Variants in JOSD1 observed in about 807,000 individuals in gnomAD.
The protein encoded by JOSD1 is Josephin domain containing 1.
Under a neutral mutation model 24.3 loss-of-function variants are expected in JOSD1, and 11 were observed. The ratio of observed to expected loss-of-function variants is 0.45; its 90% CI spans 0.29 to 0.75. The LOEUF (loss-of-function observed/expected upper bound fraction) is 0.75. Among genes scored for constraint, JOSD1 ranks in the 30% least tolerant of loss-of-function variants. JOSD1 has a pLI of 0.11. For synonymous variants in JOSD1, 106 were observed against 93.8 expected, an observed-to-expected ratio of 1.13 and a Z score of -0.75; for missense variants, 184 against 253.5, an observed-to-expected ratio of 0.73 and a Z score of 1.86.
intron 2 of JOSD1, among the ~76,000 whole-genome samples, chr22:38,689,770 A>C (rs1287513546): frequency 1.3e-5 from 2 of 152,076 alleles, no homozygotes; most frequent in African/African-American, 4.8e-5. Context: ...TAAGGCCTGC[A>C]AACTTGGTAA....
At chr22:38,696,770 G>A (rs2145816633) in intron 2 of JOSD1, among the ~76,000 whole-genome samples, 3 of 152,284 alleles carry the variant, frequency 2.0e-5, no homozygotes, top group Middle Eastern at 6.8e-3. Flanking sequence ...TGAGTCATTA[G>A]CTCAGCTCTG....
At chr22:38,688,349 G>T (rs546270289) in intron 4 of JOSD1, among the ~76,000 whole-genome samples, 3 of 152,246 alleles carry the variant, frequency 2.0e-5, no homozygotes, top group African/African-American at 7.2e-5. Context: ...TGCAACCTCT[G>T]CCTCCCAGGT....
rs771478299 is a variant in JOSD1 at position 38,685,620 on chromosome 22, A to G, written c.*2282T>C. The G allele has an allele frequency of 4.6e-5, 7 of 152,568 alleles. No homozygotes were observed. Among genetic ancestry groups the G allele is most frequent in the Non-Finnish European group, 1.0e-4 (7 of 68,042 alleles). 9.5% of individuals were successfully genotyped at this position (152,568 alleles called of 1,614,324 possible). ...AATTCAGGCAGACAAGGAGACATAT[A>G]TGGAGTTTTCCATTTTTAATATTTG... is the stretch of plus-strand genomic sequence containing the variant. On this transcript the variant is annotated 3_prime_UTR_variant, in exon 5 of 5. Transcript: ENST00000683374.
chr22:38,698,624 G>C (rs887920865), intron 2 of JOSD1, among the ~76,000 whole-genome samples: 1 of 152,016 alleles, frequency 6.6e-6, no homozygotes, highest in Admixed American at 6.6e-5. Context: ...ACTTCTAGTC[G>C]GGGTCATCAG....
Position 38,700,855 on chromosome 22 carries a change from C to G in JOSD1, c.-687G>C. ...GACGCCCTCCCGCCGCGCCCCCGGC[C>G]GCAGACCCCAGGGCCGCCGGGACTG... On this transcript the variant is annotated 5_prime_UTR_variant, in exon 1 of 5. Coordinates refer to ENST00000683374, the MANE Select transcript of JOSD1 (RefSeq NM_001360236.2). 7.1e-6 allele frequency: 7 copies of G among 984,760 alleles called. No individual in the cohort carries two copies. Among genetic ancestry groups the G allele is most frequent in the Non-Finnish European group, 8.4e-6 (7 of 829,786 alleles). 61.0% of individuals were successfully genotyped at this position (984,760 alleles called of 1,614,324 possible).
At chr22:38,694,675 A>C (rs1344684973) in intron 2 of JOSD1, among the ~76,000 whole-genome samples, 2 of 151,994 alleles carry the variant, frequency 1.3e-5, no homozygotes. Context: ...ATCTTGGCTA[A>C]CACGGTGAAA....
At chr22:38,699,086 C>G (rs1277581279) in intron 2 of JOSD1, among the ~76,000 whole-genome samples, 1 of 152,176 alleles carries the variant, frequency 6.6e-6, no homozygotes, top group African/African-American at 2.4e-5. Flanking sequence ...GGCATTTGTT[C>G]TAAGTGGGTA....
rs753018637 is a variant in JOSD1, at chr22:38,700,437, G to C, written c.-450C>G. ...GAACCACGACGCCAATGACTCGGGA[G>C]ACAAGGCCTGGGTGACGGATAAATT... is the stretch of plus-strand genomic sequence containing the variant. On this transcript the variant is annotated 5_prime_UTR_variant, in exon 2 of 5. Transcript: ENST00000683374. 1 of 987,624 alleles carries C rather than the reference G, an allele frequency of 1.0e-6. No homozygotes were observed. 61.2% of individuals were successfully genotyped at this position (987,624 alleles called of 1,614,324 possible).
At chr22:38,691,033 G>T (rs1008713616) in intron 2 of JOSD1, among the ~76,000 whole-genome samples, 2 of 151,916 alleles carry the variant, frequency 1.3e-5, no homozygotes, top group African/African-American at 4.8e-5. Flanking sequence ...GTGAGACTCC[G>T]TCTCAAAAAA....
At chr22:38,691,161 T>TA (rs1386890290) in intron 2 of JOSD1, among the ~76,000 whole-genome samples, 1 of 152,086 alleles carries the variant, frequency 6.6e-6, no homozygotes. Flanking sequence ...GCCTGGGAGT[T>TA]AGAGACCAGC....
chr22:38,688,841 C>T, intron 4 of JOSD1, 94 bp downstream of exon 4: 1 of 1,182,764 alleles, frequency 8.5e-7, no homozygotes, highest in South Asian at 1.4e-5. Flanking sequence ...ACAGGAATTT[C>T]ATTTCCTTTG....
Position 38,699,873 on chromosome 22 carries a change from G to T in JOSD1, c.115C>A (p.His39Asn), listed in dbSNP as rs1278024922. 2 of 1,614,234 alleles carry T rather than the reference G, an allele frequency of 1.2e-6. No individual in the cohort carries two copies. The highest frequency in any genetic ancestry group is 1.7e-6 in the Non-Finnish European group (2 of 1,180,036). The change falls in exon 2 of 5, where the codon CAC becomes AAC. Residue 39 changes from histidine (H) to asparagine (N), a missense_variant. Transcript: ENST00000683374. Reference protein sequence around the residue: ...EKQRRELCALHALNNVFQDSN... With the variant: ...EKQRRELCALNALNNVFQDSN... ...TCCTGGAAGACGTTATTGAGGGCGT[G>T]GAGGGCACAAAGCTCCCTGCGCTGT...
intron 2 of JOSD1, 138 bp downstream of exon 2, chr22:38,699,665 T>C (rs948434415): frequency 3.5e-5 from 27 of 776,408 alleles, no homozygotes; most frequent in Middle Eastern, 3.7e-4. Context: ...TATCTTTTCA[T>C]GTCTTGTGTC....
At chr22:38,692,111 AATAACT>A (rs1454538510) in intron 2 of JOSD1, among the ~76,000 whole-genome samples, 1 of 152,224 alleles carries the variant, frequency 6.6e-6, no homozygotes, top group Non-Finnish European at 1.5e-5. Context: ...TACCTGTAAT[AATAACT>A]ATAACTTATT....
At chr22:38,692,084 G>A (rs895127426) in intron 2 of JOSD1, among the ~76,000 whole-genome samples, 2 of 152,212 alleles carry the variant, frequency 1.3e-5, no homozygotes, top group South Asian at 2.1e-4. Context: ...AAAGAAATCT[G>A]CAACCAAACT....
chr22:38,690,605 G>A (rs553720321), intron 2 of JOSD1, among the ~76,000 whole-genome samples: 4 of 152,030 alleles, frequency 2.6e-5, no homozygotes, highest in East Asian at 2.0e-4. Flanking sequence ...GTTTCACTAC[G>A]TTGGCCAGGC....
chr22:38,688,096 G>A, intron 4 of JOSD1, 95 bp from the exon 5 acceptor site: 2 of 799,860 alleles, frequency 2.5e-6, no homozygotes, highest in South Asian at 3.0e-5. Context: ...TCTACCCTCG[G>A]CAGTCCAAAA....
chr22:38,696,070 A>T (rs2092544935), intron 2 of JOSD1, among the ~76,000 whole-genome samples: 1 of 152,020 alleles, frequency 6.6e-6, no homozygotes, highest in African/African-American at 2.4e-5. Flanking sequence ...TGGGGGGAAA[A>T]ATCCTATTTG....
chr22:38,689,289 A>T lies in JOSD1; in HGVS notation c.314+7T>A. The T allele has an allele frequency of 1.2e-6, 2 of 1,614,250 alleles. No homozygotes were observed. Among genetic ancestry groups the T allele is most frequent in the Non-Finnish European group, 1.7e-6 (2 of 1,180,038 alleles). On this transcript the variant is annotated splice_region_variant and intron_variant, in intron 3 of 4. Transcript: ENST00000683374. ...TTCTCCATCAAGTCAAGCCTGATTCAGATTACCTGCGCTTGTCCCACCAAA... is the reference window on the plus strand; with the variant it reads ...TTCTCCATCAAGTCAAGCCTGATTCTGATTACCTGCGCTTGTCCCACCAAA...
Sources: allele counts gnomAD v4.1 joint callset (sites outside exome capture counted in the v4.1 genomes callset), GRCh38; gene constraint gnomAD v4.1.1; transcripts MANE v1.5; gene names NCBI Gene and HGNC (gene_info 2026-07-23, HGNC 2026-07-21).